The following HOOK3 variants were observed in gnomAD, a reference collection of about 807,000 sequenced individuals.
The protein encoded by HOOK3 is protein Hook homolog 3.
HOOK3 carries 24 observed loss-of-function variants against 116.3 expected under a neutral mutation model. The observed-to-expected ratio is 0.21, with a 90% CI of 0.15 to 0.29. The LOEUF is 0.29. Among genes scored for constraint, HOOK3 ranks in the 10% least tolerant of loss-of-function variants. The pLI, the probability that HOOK3 is intolerant of heterozygous loss-of-function variation, is 1.00. For missense variants in HOOK3, 632 were observed against 830.2 expected (o/e 0.76, Z 2.93); for synonymous variants, 275 against 283.0 (o/e 0.97, Z 0.28).
chr8:42,924,488 C>T (rs1807724897), intron 2 of HOOK3, among the ~76,000 whole-genome samples: 1 of 151,976 alleles, frequency 6.6e-6, no homozygotes, highest in Non-Finnish European at 1.5e-5. Flanking sequence ...CTTTTGTAAA[C>T]AGCAATGGTG....
chr8:42,950,871 A>T (rs1563299352), intron 6 of HOOK3, among the ~76,000 whole-genome samples: 1 of 151,936 alleles, frequency 6.6e-6, no homozygotes, highest in East Asian at 1.9e-4. Flanking sequence ...ATTTTTAGTA[A>T]AGATGGGGTT....
chr8:42,902,274 C>CT (rs1807205788), intron 1 of HOOK3, among the ~76,000 whole-genome samples: 1 of 150,274 alleles, frequency 6.7e-6, no homozygotes, highest in African/African-American at 2.5e-5. Context: ...CTCTCTCTCT[C>CT]TCTTTTTTTT....
chr8:42,998,461 C>T (rs960309003), intron 16 of HOOK3, among the ~76,000 whole-genome samples: 7 of 152,160 alleles, frequency 4.6e-5, no homozygotes, highest in South Asian at 4.1e-4. Flanking sequence ...TGAGCATAAA[C>T]GTTTGTTTCC....
intron 9 of HOOK3, among the ~76,000 whole-genome samples, chr8:42,966,172 G>A (rs1203069454): frequency 6.6e-6 from 1 of 152,074 alleles, no homozygotes; most frequent in Admixed American, 6.5e-5. Flanking sequence ...CAGACCATAT[G>A]TGTTAATTTT....
intron 8 of HOOK3, among the ~76,000 whole-genome samples, chr8:42,963,174 G>C (rs1006100452): frequency 6.6e-6 from 1 of 151,950 alleles, no homozygotes. Flanking sequence ...CTTTCTTATT[G>C]CTGAGTAGTA....
intron 15 of HOOK3, among the ~76,000 whole-genome samples, chr8:42,989,793 T>A (rs1471286132): frequency 6.6e-6 from 1 of 152,242 alleles, no homozygotes; most frequent in East Asian, 1.9e-4. Flanking sequence ...TCCATGAGTT[T>A]AATTTTTTTA....
chr8:42,933,771 C>A (rs953534982), intron 4 of HOOK3, among the ~76,000 whole-genome samples: 2 of 152,164 alleles, frequency 1.3e-5, no homozygotes, highest in African/African-American at 4.8e-5. Flanking sequence ...GGTTGGAAGT[C>A]ATTCCTCTGT....
In HOOK3 at chr8:43,002,112, C is replaced by T. The variant is rs1315654155; in HGVS notation, c.1626C>T (p.Val542=). The T allele has an allele frequency of 6.3e-7, 1 of 1,581,820 alleles. No homozygotes were observed. The highest frequency in any genetic ancestry group is 8.7e-7 in the Non-Finnish European group (1 of 1,151,654). The change falls in exon 17 of 22, where the codon GTC becomes GTT. Residue 542 remains valine (V), a synonymous_variant. Transcript: ENST00000307602. ...QDQGSKAEDS[V]LLKKKLEEHL... ...ATTTTGTTTTTCATTTTTAGTCAGT[C>T]CTTCTAAAAAAGAAGCTTGAAGAAC...
At chr8:42,950,362 A>T (rs776620457) in intron 5 of HOOK3, 26 bp from the exon 6 acceptor site, 6 of 1,470,862 alleles carry the variant, frequency 4.1e-6, no homozygotes, top group Non-Finnish European at 4.8e-6. Context: ...TTGAACAGTG[A>T]CATTCTAGAT....
At chr8:42,919,418 G>C (rs1417765310) in intron 2 of HOOK3, among the ~76,000 whole-genome samples, 11 of 149,470 alleles carry the variant, frequency 7.4e-5, no homozygotes, top group Admixed American at 2.0e-4. Flanking sequence ...CCACATCCCA[G>C]ACGATGGGCG....
intron 5 of HOOK3, among the ~76,000 whole-genome samples, chr8:42,943,702 G>T (rs1460392603): frequency 6.6e-6 from 1 of 152,120 alleles, no homozygotes; most frequent in Non-Finnish European, 1.5e-5. Flanking sequence ...TAACTACACT[G>T]AATGCAGTGA....
At chr8:43,008,035 T>G in intron 18 of HOOK3, 106 bp downstream of exon 18, 1 of 478,978 alleles carries the variant, frequency 2.1e-6, no homozygotes, top group South Asian at 6.7e-5. Flanking sequence ...TTTTTATTTT[T>G]TTTGAGATGA....
intron 4 of HOOK3, among the ~76,000 whole-genome samples, chr8:42,940,728 T>TG (rs1267993386): frequency 3.9e-5 from 6 of 152,148 alleles, no homozygotes; most frequent in Non-Finnish European, 7.4e-5. Flanking sequence ...TTATGTGTCT[T>TG]GGGGTTGCTC....
chr8:42,949,722 A>C (rs1586605825), intron 5 of HOOK3, among the ~76,000 whole-genome samples: 1 of 152,108 alleles, frequency 6.6e-6, no homozygotes, highest in African/African-American at 2.4e-5. Context: ...GATTGAGACC[A>C]TCCTGGCCAA....
intron 17 of HOOK3, among the ~76,000 whole-genome samples, chr8:43,005,766 G>A (rs1033359316): frequency 6.6e-6 from 1 of 151,568 alleles, no homozygotes; most frequent in Non-Finnish European, 1.5e-5. Flanking sequence ...GCATGATCTC[G>A]GCTCACTTCA....
chr8:42,922,436 A>G (rs1473718068), intron 2 of HOOK3, among the ~76,000 whole-genome samples: 1 of 152,118 alleles, frequency 6.6e-6, no homozygotes, highest in Non-Finnish European at 1.5e-5. Context: ...TCTTAGCACT[A>G]GCTACTCTGG....
chr8:42,941,462 G>C (rs1269001790), intron 4 of HOOK3, among the ~76,000 whole-genome samples: 1 of 144,792 alleles, frequency 6.9e-6, no homozygotes, highest in African/African-American at 2.5e-5. Context: ...AGGTTGCAGT[G>C]AGCCAAGGTC....
Position 43,030,317 on chromosome 8 carries a change from A to G in HOOK3, c.*11819A>G, listed in dbSNP as rs74848319. 4.2e-4 allele frequency: 78 copies of G among 185,776 alleles called. No individual in the cohort carries two copies. The East Asian group carries it at 5.8e-3, about 14-fold the overall frequency. The allele number at this position is 185,776 out of a possible 1,614,324, so 11.5% of individuals were successfully genotyped here. On this transcript the variant is annotated 3_prime_UTR_variant, in exon 22 of 22. Coordinates refer to ENST00000307602, the MANE Select transcript of HOOK3 (RefSeq NM_032410.4). ...TTTTGAAATCTTGTATTTCCTTTTG[A>G]TATCATTTACTCATTTTAATTTTAC...
chr8:42,943,247 T>A, intron 4 of HOOK3, 66 bp from the exon 5 acceptor site: 1 of 1,102,440 alleles, frequency 9.1e-7, no homozygotes, highest in Non-Finnish European at 1.2e-6. Flanking sequence ...CAAACCTCGA[T>A]CAAGTTTTTT....
Sources: gnomAD v4.1 joint callset for allele counts (sites outside exome capture counted in the v4.1 genomes callset) on GRCh38, gnomAD v4.1.1 for gene constraint, MANE v1.5 for transcripts, NCBI Gene and HGNC (gene_info 2026-07-23, HGNC 2026-07-21) for gene names.